The following PRH1 variants were observed in gnomAD, a reference collection of about 807,000 sequenced individuals.
PRH1 encodes proline rich protein HaeIII subfamily 1.
A neutral mutation model predicts 7.9 loss-of-function variants in PRH1; 7 were observed. The observed-to-expected ratio is 0.89, with a 90% confidence interval of 0.50 to 1.67. The LOEUF (loss-of-function observed/expected upper bound fraction) is 1.67, where lower values mean the gene tolerates loss of function less well. PRH1 is among the 40% of genes most tolerant of loss of function. PRH1 has a pLI of 0.00. For missense variants in PRH1, 109 were observed against 223.6 expected (o/e 0.49, Z 3.27); for synonymous variants, 45 against 80.8 (o/e 0.56, Z 2.38).
At chr12:11,049,786 C>A (rs533221354), upstream of PRH1, among the ~76,000 whole-genome samples, 1 of 152,208 alleles carries the variant, frequency 6.6e-6, no homozygotes, top group African/African-American at 2.4e-5. Context: ...GAATCTAAAC[C>A]TTTTATCAAT....
chr12:10,896,147 T>C (rs1240851231), intron 2 of PRH1, among the ~76,000 whole-genome samples: 1 of 152,240 alleles, frequency 6.6e-6, no homozygotes, highest in African/African-American at 2.4e-5. Flanking sequence ...TGGTTGTATT[T>C]TACATGGAAA....
intron 1 of PRH1, among the ~76,000 whole-genome samples, chr12:11,121,510 A>G (rs1367046308): frequency 6.6e-6 from 1 of 152,240 alleles, no homozygotes; most frequent in Admixed American, 6.5e-5. Context: ...GTCAACTTCA[A>G]AAAAGGCTTT....
chr12:10,923,975 T>C lies in PRH1; in HGVS notation c.-58-39700A>G, dbSNP rs185922767. 3.2e-3 allele frequency among the ~76,000 whole-genome samples: 479 copies of C among 151,162 alleles called. 5 individuals carry two copies. The highest frequency in any genetic ancestry group is 0.01 in the African/African-American group (430 of 41,240). On this transcript the variant is annotated intron_variant, in intron 2 of 3. Transcript: ENST00000539853. ...AGATTAAAGTGATAAGTTCTTTTTA[T>C]TCATTTCTCCATCTGTTTTTTTTTT...
intron 2 of PRH1, chr12:10,965,104 A>G: frequency 7.6e-7 from 1 of 1,323,712 alleles, no homozygotes. Context: ...CATTAATAGT[A>G]GTAATTCTTA....
intron 1 of PRH1, among the ~76,000 whole-genome samples, chr12:11,157,757 C>A (rs1239361726): frequency 6.6e-6 from 1 of 152,120 alleles, no homozygotes; most frequent in Non-Finnish European, 1.5e-5. Flanking sequence ...CCTAGACATT[C>A]TCCAAATCGT....
chr12:11,059,946 G>A (rs919085765), intron 1 of PRH1, among the ~76,000 whole-genome samples: 2 of 152,014 alleles, frequency 1.3e-5, no homozygotes, highest in African/African-American at 4.8e-5. Flanking sequence ...CAGAAAGCAA[G>A]AAAGAGATGA....
At chr12:11,102,122 T>C (rs1255417231) in intron 1 of PRH1, among the ~76,000 whole-genome samples, 2 of 152,066 alleles carry the variant, frequency 1.3e-5, no homozygotes, top group Non-Finnish European at 2.9e-5. Flanking sequence ...CTTCCCAAGG[T>C]AATTTATAGA....
chr12:11,030,745 C>T (rs1942156691), intron 1 of PRH1: 2 of 1,614,178 alleles, frequency 1.2e-6, no homozygotes, highest in Non-Finnish European at 1.7e-6. Flanking sequence ...AACAGATTAA[C>T]AGCAAAAAAC....
chr12:11,107,624 A>G (rs530092242), intron 1 of PRH1, among the ~76,000 whole-genome samples: 1 of 152,364 alleles, frequency 6.6e-6, no homozygotes, highest in East Asian at 1.9e-4. Flanking sequence ...TTGGAGGATT[A>G]CACTTTCTGA....
chr12:10,953,589 A>G (rs1375667207), intron 2 of PRH1, among the ~76,000 whole-genome samples: 1 of 152,126 alleles, frequency 6.6e-6, no homozygotes, highest in African/African-American at 2.4e-5. Flanking sequence ...AATGCACAAA[A>G]CCTCCAAGAA....
chr12:11,105,133 A>C (rs1338894412), intron 1 of PRH1, among the ~76,000 whole-genome samples: 1 of 152,202 alleles, frequency 6.6e-6, no homozygotes, highest in South Asian at 2.1e-4. Flanking sequence ...AAAAAATATA[A>C]TTAGTTAACA....
At chr12:10,981,672 C>T (rs1939362415) in intron 1 of PRH1, among the ~76,000 whole-genome samples, 1 of 151,880 alleles carries the variant, frequency 6.6e-6, no homozygotes, top group African/African-American at 2.4e-5. Context: ...CCGCACCAGG[C>T]CCTTTTTGGG....
intron 1 of PRH1, among the ~76,000 whole-genome samples, chr12:10,992,980 G>A: frequency 6.6e-6 from 1 of 152,202 alleles, no homozygotes; most frequent in East Asian, 1.9e-4. Flanking sequence ...CCAAGGAATA[G>A]AATTGGTCAC....
At chr12:11,107,756 T>C (rs1343200998) in intron 1 of PRH1, among the ~76,000 whole-genome samples, 2 of 152,186 alleles carry the variant, frequency 1.3e-5, no homozygotes, top group Admixed American at 1.3e-4. Flanking sequence ...TCATGGTCAA[T>C]TGATTTCAAA....
At chr12:10,884,306 T>G, upstream of PRH1, 2 of 1,568,690 alleles carry the variant, frequency 1.3e-6, no homozygotes, top group Non-Finnish European at 1.8e-6. Context: ...CAATGGTGCA[T>G]TTGAGCTCCC....
chr12:11,020,394 CTATAGA>C (rs1367930235), intron 1 of PRH1, among the ~76,000 whole-genome samples: 11 of 37,562 alleles, frequency 2.9e-4, no homozygotes, highest in Admixed American at 5.4e-4. Flanking sequence ...ATATATATGT[CTATAGA>C]TATAGATATA....
intron 1 of PRH1, among the ~76,000 whole-genome samples, chr12:11,086,228 C>T (rs1316235391): frequency 1.4e-5 from 2 of 146,570 alleles, no homozygotes; most frequent in Non-Finnish European, 3.0e-5. Flanking sequence ...AGCTTAATGT[C>T]TCATGCTTAG....
chr12:10,965,137 A>G (rs1176639858), intron 2 of PRH1: 3 of 1,424,846 alleles, frequency 2.1e-6, no homozygotes, highest in Admixed American at 3.6e-5. Flanking sequence ...ATGAACCTGG[A>G]TTCAAAACAG....
chr12:11,154,115 C>A (rs1358707660), intron 1 of PRH1, among the ~76,000 whole-genome samples: 1 of 152,038 alleles, frequency 6.6e-6, no homozygotes, highest in Non-Finnish European at 1.5e-5. Flanking sequence ...AGAATAAAGT[C>A]ACTCAAATAA....
Sources: allele counts gnomAD v4.1 joint callset (sites outside exome capture counted in the v4.1 genomes callset), GRCh38; gene constraint gnomAD v4.1.1; transcripts MANE v1.5; gene names NCBI Gene and HGNC (gene_info 2026-07-23, HGNC 2026-07-21).